Variants in BAZ2B observed in about 807,000 individuals in gnomAD.
BAZ2B encodes the protein bromodomain adjacent to zinc finger domain protein 2B.
BAZ2B carries 91 observed loss-of-function variants against 246.0 expected under a neutral mutation model. The observed-to-expected ratio is 0.37, with a 90% confidence interval of 0.31 to 0.44. The LOEUF is 0.44. Among genes scored for constraint, BAZ2B ranks in the 20% least tolerant of loss-of-function variants. BAZ2B has a pLI of 1.00. For missense variants in BAZ2B, 2,332 were observed against 2,533.7 expected, an observed-to-expected ratio of 0.92 and a Z score of 1.71; for synonymous variants, 855 against 860.0, an observed-to-expected ratio of 0.99 and a Z score of 0.10.
intron 2 of BAZ2B, among the ~76,000 whole-genome samples, chr2:159,540,285 T>C (rs2086508610): frequency 6.6e-6 from 1 of 152,222 alleles, no homozygotes; most frequent in Non-Finnish European, 1.5e-5. Context: ...TACCTAGGAA[T>C]GTGCTGTCAG....
At chr2:159,499,134 C>T (rs1450086172) in intron 2 of BAZ2B, among the ~76,000 whole-genome samples, 2 of 152,034 alleles carry the variant, frequency 1.3e-5, no homozygotes. Flanking sequence ...GGTATTAAGC[C>T]CAACATCCAT....
chr2:159,427,584 C>T (rs1408742054), intron 13 of BAZ2B, among the ~76,000 whole-genome samples: 1 of 152,066 alleles, frequency 6.6e-6, no homozygotes, highest in African/African-American at 2.4e-5. Context: ...ATAATAGGGT[C>T]TTCATATTCA....
chr2:159,649,607 CT>C, the BAZ2B span, among the ~76,000 whole-genome samples: 1 of 152,054 alleles, frequency 6.6e-6, no homozygotes, highest in East Asian at 1.9e-4. Context: ...GGTCATATGT[CT>C]TTTTTTTCCT....
chr2:159,598,750 A>C (rs1691384994), intron 1 of BAZ2B, among the ~76,000 whole-genome samples: 1 of 152,012 alleles, frequency 6.6e-6, no homozygotes, highest in Non-Finnish European at 1.5e-5. Context: ...GCTACTTGGG[A>C]GGCTGAAGGA....
At chr2:159,461,563 T>C (rs58913016) in intron 3 of BAZ2B, 12,080 of 152,566 alleles carry the variant, frequency 0.079, 663 homozygotes, top group Middle Eastern at 0.16. Flanking sequence ...TGCCATAAAG[T>C]ATTAAAGCAC....
chr2:159,583,069 TA>T (rs1687203666), intron 1 of BAZ2B, among the ~76,000 whole-genome samples: 1 of 152,032 alleles, frequency 6.6e-6, no homozygotes, highest in South Asian at 2.1e-4. Context: ...ATATTTGTGT[TA>T]TTTTACCTGT....
chr2:159,420,366 T>C (rs1306460952), intron 13 of BAZ2B, among the ~76,000 whole-genome samples: 1 of 152,260 alleles, frequency 6.6e-6, no homozygotes, highest in Non-Finnish European at 1.5e-5. Context: ...TTATGGCTTA[T>C]GCATTAAAAA....
At chr2:159,678,032 T>A in the BAZ2B span, among the ~76,000 whole-genome samples, 781 of 152,304 alleles carry the variant, frequency 5.1e-3, 3 homozygotes, top group Non-Finnish European at 7.9e-3. Context: ...AATACTATTA[T>A]GTTACCTAGT....
intron 13 of BAZ2B, among the ~76,000 whole-genome samples, chr2:159,422,952 A>T (rs1016105254): frequency 6.6e-6 from 1 of 152,194 alleles, no homozygotes; most frequent in African/African-American, 2.4e-5. Flanking sequence ...AATGCTCAAC[A>T]CCCTTAATCA....
intron 2 of BAZ2B, among the ~76,000 whole-genome samples, chr2:159,504,524 G>A (rs1455109981): frequency 6.6e-6 from 1 of 152,024 alleles, no homozygotes; most frequent in African/African-American, 2.4e-5. Context: ...AATTTAACTT[G>A]CCAACCAAGA....
chr2:159,575,074 C>G (rs953732494), intron 1 of BAZ2B, among the ~76,000 whole-genome samples: 1 of 152,048 alleles, frequency 6.6e-6, no homozygotes, highest in African/African-American at 2.4e-5. Flanking sequence ...ATGACAGAAG[C>G]CAGTCACAAA....
chr2:159,538,545 T>C (rs533668133), intron 2 of BAZ2B, among the ~76,000 whole-genome samples: 85 of 152,354 alleles, frequency 5.6e-4, no homozygotes, highest in African/African-American at 1.9e-3. Context: ...GGCATTCTCA[T>C]GTACCACTCT....
At chr2:159,364,320 C>T (rs1189350583) in intron 27 of BAZ2B, among the ~76,000 whole-genome samples, 5 of 152,146 alleles carry the variant, frequency 3.3e-5, no homozygotes, top group African/African-American at 4.8e-5. Context: ...ATCACTGCAA[C>T]GGCTTTTGGA....
At chr2:159,654,475 T>C in the BAZ2B span, among the ~76,000 whole-genome samples, 5 of 152,084 alleles carry the variant, frequency 3.3e-5, no homozygotes, top group African/African-American at 1.2e-4. Flanking sequence ...ACAAGATCCA[T>C]TTAAGATAAA....
chr2:159,613,726 C>T (rs1014492255), intron 1 of BAZ2B, among the ~76,000 whole-genome samples: 1 of 152,124 alleles, frequency 6.6e-6, no homozygotes, highest in African/African-American at 2.4e-5. Flanking sequence ...GCCAAATCTT[C>T]TAGTCCTTTG....
chr2:159,407,304 C>A (rs974936430), intron 14 of BAZ2B, among the ~76,000 whole-genome samples: 11 of 151,798 alleles, frequency 7.2e-5, no homozygotes, highest in African/African-American at 1.7e-4. Context: ...AGCCCCCACC[C>A]CTACTAAAAA....
chr2:159,696,401 TA>T, the BAZ2B span, among the ~76,000 whole-genome samples: 9 of 152,192 alleles, frequency 5.9e-5, no homozygotes, highest in East Asian at 1.7e-3. Flanking sequence ...ATATTTTTCT[TA>T]ACTGTTTAGT....
At chr2:159,470,563 G>A (rs901282420) in intron 3 of BAZ2B, among the ~76,000 whole-genome samples, 4 of 152,336 alleles carry the variant, frequency 2.6e-5, no homozygotes, top group African/African-American at 9.6e-5. Context: ...TAGAAGTGGA[G>A]AGCCAGTTAG....
At chr2:159,473,863 G>C (rs915954610) in intron 3 of BAZ2B, among the ~76,000 whole-genome samples, 4 of 152,176 alleles carry the variant, frequency 2.6e-5, no homozygotes, top group Non-Finnish European at 5.9e-5. Flanking sequence ...CCATGCAGTT[G>C]TGTGGTTTTG....
Sources: allele counts gnomAD v4.1 joint callset (sites outside exome capture counted in the v4.1 genomes callset), GRCh38; gene constraint gnomAD v4.1.1; transcripts MANE v1.5; gene names NCBI Gene and HGNC (gene_info 2026-07-23, HGNC 2026-07-21).